The following ZNF284 variants were observed in gnomAD, a reference collection of about 807,000 sequenced individuals.
ZNF284 encodes zinc finger protein 284.
A neutral mutation model predicts 12.9 loss-of-function variants in ZNF284; 12 were observed. The ratio of observed to expected loss-of-function variants is 0.93; its 90% confidence interval spans 0.60 to 1.51. The LOEUF is 1.51. Ranked by LOEUF, ZNF284 falls within the 40% of genes most tolerant of loss-of-function variation. The pLI is 0.00. For missense variants in ZNF284, 667 were observed against 707.3 expected, an observed-to-expected ratio of 0.94 and a Z score of 0.65; for synonymous variants, 225 against 236.5, an observed-to-expected ratio of 0.95 and a Z score of 0.45.
intron 1 of ZNF284, among the ~76,000 whole-genome samples, chr19:44,075,393 T>A (rs997252986): frequency 6.6e-6 from 1 of 152,248 alleles, no homozygotes; most frequent in Non-Finnish European, 1.5e-5. Flanking sequence ...ATTTCATGTT[T>A]ACGTTTAGAG....
At chr19:44,079,797 G>A (rs1173768223) in intron 2 of ZNF284, among the ~76,000 whole-genome samples, 5 of 151,616 alleles carry the variant, frequency 3.3e-5, no homozygotes, top group East Asian at 1.9e-4. Flanking sequence ...GCATGGTGGC[G>A]CATGCTTGTA....
At chr19:44,085,679 A>G in intron 4 of ZNF284, 35 bp from the exon 5 acceptor site, 1 of 1,540,124 alleles carries the variant, frequency 6.5e-7, no homozygotes, top group Non-Finnish European at 8.8e-7. Flanking sequence ...CAAAGGTTTC[A>G]CTTACCCACA....
In ZNF284 at chr19:44,085,854, C is replaced by A. The variant is rs200136517; in HGVS notation, c.376C>A (p.Gln126Lys). Reference sequence around the variant, plus strand: ...CATAAGTAGCTCTCAGTTCTCCACACAAGGTGATGTCCCCTCCCAGGTTGA... The same window carrying A: ...CATAAGTAGCTCTCAGTTCTCCACAAAAGGTGATGTCCCCTCCCAGGTTGA... ...DSISSSQFST[Q>K]GDVPSQVDAG... Residue 126 changes from glutamine (Q) to lysine (K), a missense_variant, in exon 5 of 5, where the codon CAA (glutamine) becomes AAA (lysine). Gln to Lys is a moderately conservative substitution (Grantham distance 53, BLOSUM62 1). Transcript: ENST00000421176. The A allele has an allele frequency of 6.0e-5, 97 of 1,610,986 alleles. No individual in the cohort carries two copies. The African/African-American group carries it at 1.2e-3, about 20-fold the overall frequency.
intron 2 of ZNF284, among the ~76,000 whole-genome samples, chr19:44,076,879 G>A (rs1472229865): frequency 4.0e-5 from 6 of 150,982 alleles, no homozygotes; most frequent in African/African-American, 4.9e-5. Context: ...GAGTGTGGTG[G>A]CGCAATCTCG....
In ZNF284 at chr19:44,086,743, G is replaced by C; in HGVS notation, c.1265G>C (p.Arg422Thr). Residue 422 changes from arginine (R) to threonine (T), a missense_variant, in exon 5 of 5, where the codon AGA (arginine) becomes ACA (threonine). Coordinates refer to ENST00000421176, the MANE Select transcript of ZNF284 (RefSeq NM_001037813.4). Reference protein sequence around the residue: ...SQGHSHQRAYREEELYKCQKC... With the variant: ...SQGHSHQRAYTEEELYKCQKC... ...GGCCATTCACATCAGAGAGCCTATA[G>C]AGAAGAAGAACTGTATAAATGTCAG... 2 of 1,613,976 alleles carry C rather than the reference G, an allele frequency of 1.2e-6. No individual in the cohort carries two copies. Among genetic ancestry groups the C allele is most frequent in the Non-Finnish European group, 1.7e-6 (2 of 1,180,018 alleles).
At chr19:44,075,635 AAG>A (rs1419230008) in intron 1 of ZNF284, among the ~76,000 whole-genome samples, 2 of 152,240 alleles carry the variant, frequency 1.3e-5, no homozygotes, top group Non-Finnish European at 2.9e-5. Context: ...TACTGTAAAG[AAG>A]AGTTTCCATT....
Position 44,086,413 on chromosome 19 carries a change from A to G in ZNF284, c.935A>G (p.Glu312Gly), listed in dbSNP as rs1967248006. 2 of 1,613,914 alleles carry G rather than the reference A, an allele frequency of 1.2e-6. No homozygotes were observed. Among genetic ancestry groups the G allele is most frequent in the Admixed American group, 1.7e-5 (1 of 60,004 alleles). ...LNRHSMVHMQ[E>G]KSFRCDTCSN... ...AGGCATTCCATGGTCCACATGCAAG[A>G]GAAATCATTTAGATGTGATACCTGT... Residue 312 changes from glutamate (E) to glycine (G), a missense_variant, in exon 5 of 5, where the codon GAG (glutamate) becomes GGG (glycine). Glu to Gly is a moderately conservative substitution (Grantham distance 98, BLOSUM62 -2). Transcript: ENST00000421176.
rs1047775802 is a variant in ZNF284, at chr19:44,083,046, G to C, written c.235+941G>C. On this transcript the variant is annotated intron_variant, in intron 4 of 4. Transcript: ENST00000421176. Reference sequence around the variant, plus strand: ...TTTATATATGCTCTTCTTTCTGATTGGAATACTCTTTCACCTCAAGACCTT... The same window carrying C: ...TTTATATATGCTCTTCTTTCTGATTCGAATACTCTTTCACCTCAAGACCTT... 3.3e-5 allele frequency among the ~76,000 whole-genome samples: 5 copies of C among 152,018 alleles called. No homozygotes were observed. In the South Asian group the frequency reaches 6.2e-4, roughly 19 times the overall value.
chr19:44,077,413 C>T lies in ZNF284; in HGVS notation c.15+1009C>T, dbSNP rs138785214. ...CCAAAATGCAGCATCCTGGGCTGCA[C>T]ATATATCGGTTTCGGTGAATCTTGC... On this transcript the variant is annotated intron_variant, in intron 2 of 4. Transcript: ENST00000421176. Among the ~76,000 whole-genome samples the T allele has an allele frequency of 2.7e-3, 412 of 152,112 alleles. 1 individual carries two copies. The highest frequency in any genetic ancestry group is 4.4e-3 in the Non-Finnish European group (300 of 68,004).
Position 44,087,211 on chromosome 19 carries a change from G to A in ZNF284, c.1733G>A (p.Arg578Lys). Reference protein sequence around the residue: ...KCEDCGKRYERRLNLDMILSL... With the variant: ...KCEDCGKRYEKRLNLDMILSL... ...GAGGACTGTGGGAAGCGCTACGAGA[G>A]GCGCTTGAATCTAGATATGATTTTA... Residue 578 changes from arginine to lysine, a missense_variant, in exon 5 of 5, where the codon AGG becomes AAG. Arg to Lys is a conservative substitution (Grantham distance 26). Transcript: ENST00000421176. 6.3e-7 allele frequency: 1 copy of A among 1,597,058 alleles called. No homozygotes were observed. The highest frequency in any genetic ancestry group is 8.5e-7 in the Non-Finnish European group (1 of 1,172,572).
chr19:44,078,097 C>T (rs1967061798), intron 2 of ZNF284, among the ~76,000 whole-genome samples: 1 of 151,756 alleles, frequency 6.6e-6, no homozygotes, highest in African/African-American at 2.4e-5. Context: ...AGACATAATC[C>T]AAAATAAGAA....
chr19:44,076,990 A>G (rs1967040376), intron 2 of ZNF284, among the ~76,000 whole-genome samples: 1 of 151,468 alleles, frequency 6.6e-6, no homozygotes, highest in South Asian at 2.1e-4. Context: ...TGGCTAATAT[A>G]TGTATTTTTA....
chr19:44,081,511 A>G (rs1017081609), intron 3 of ZNF284, among the ~76,000 whole-genome samples: 6 of 152,050 alleles, frequency 3.9e-5, no homozygotes, highest in Non-Finnish European at 5.9e-5. Context: ...GGAGATGGAG[A>G]CCATTCTGGC....
chr19:44,086,249 AC>A lies in ZNF284; in HGVS notation c.773del (p.Pro258LeufsTer153). The A allele has an allele frequency of 1.2e-6, 2 of 1,614,112 alleles. No individual in the cohort carries two copies. The highest frequency in any genetic ancestry group is 1.7e-6 in the Non-Finnish European group (2 of 1,180,004). On this transcript the variant is annotated frameshift_variant, in exon 5 of 5. Transcript: ENST00000421176. LOFTEE classifies it low-confidence loss of function (END_TRUNC). Reference sequence around the variant, plus strand: ...ATTGCAAATTACACACAGGAGAAAAACCTCATATTTGTGAGGAATGTGGGAA... The same window carrying A: ...ATTGCAAATTACACACAGGAGAAAAACTCATATTTGTGAGGAATGTGGGAA... The part of the protein sequence containing the change: ...VHCKLHTGEK[P>X]HICEECGKAF...
In ZNF284 at chr19:44,087,242, A is replaced by G. The variant is rs1207414316; in HGVS notation, c.1764A>G (p.Leu588=). 2 of 1,557,574 alleles carry G rather than the reference A, an allele frequency of 1.3e-6. No individual in the cohort carries two copies. The highest frequency in any genetic ancestry group is 1.2e-5 in the South Asian group (1 of 83,798). The change falls in exon 5 of 5, where the codon TTA becomes TTG. Residue 588 remains leucine (L), a synonymous_variant. Transcript: ENST00000421176. ...TGAATCTAGATATGATTTTATCATT[A>G]TTTTTAAATGATATATAATTATTGT... ...RRLNLDMILS[L]FLNDI is the part of the protein sequence containing the mutation.
rs947802269 is a variant in ZNF284, at chr19:44,087,727, G to A, written c.*467G>A. On this transcript the variant is annotated 3_prime_UTR_variant, in exon 5 of 5. Transcript: ENST00000421176. ...CTGCCTAAACCTCCTGAGTAGCAGG[G>A]ATTACAGGCACGCACCACCACGCCC... 1 of 149,816 alleles carries A rather than the reference G, an allele frequency of 6.7e-6. No homozygotes were observed. Among genetic ancestry groups the A allele is most frequent in the African/African-American group, 2.5e-5 (1 of 40,594 alleles). 9.3% of individuals were successfully genotyped at this position (149,816 alleles called of 1,614,324 possible).
At position 44,087,080 on chromosome 19, in the gene ZNF284, C is replaced by A. The variant is rs146704728; in HGVS notation, c.1602C>A (p.Ser534Arg). 6.4e-5 allele frequency: 104 copies of A among 1,614,040 alleles called. 1 individual carries two copies. The African/African-American group carries it at 1.3e-3, about 20-fold the overall frequency. Reference protein sequence around the residue: ...STHLTHQRLHSREKLFQCEDC... With the variant: ...STHLTHQRLHRREKLFQCEDC... Reference sequence around the variant, plus strand: ...ATCTAACCCATCAAAGACTCCACAGCAGAGAAAAACTATTCCAATGTGAGG... The same window carrying A: ...ATCTAACCCATCAAAGACTCCACAGAAGAGAAAAACTATTCCAATGTGAGG... Residue 534 changes from serine (S) to arginine (R), a missense_variant, in exon 5 of 5, where the codon AGC (serine) becomes AGA (arginine). Ser to Arg is a moderately radical substitution (Grantham distance 110, BLOSUM62 -1). Transcript: ENST00000421176.
Position 44,086,896 on chromosome 19 carries a change from A to G in ZNF284, c.1418A>G (p.His473Arg). 2 of 1,614,120 alleles carry G rather than the reference A, an allele frequency of 1.2e-6. No homozygotes were observed. Among genetic ancestry groups the G allele is most frequent in the Non-Finnish European group, 1.7e-6 (2 of 1,179,996 alleles). Reference protein sequence around the residue: ...SFRWASGILRHKRLHTGEKPF... With the variant: ...SFRWASGILRRKRLHTGEKPF... Reference sequence around the variant, plus strand: ...AGGTGGGCCTCAGGTATTTTGAGACATAAGAGACTCCATACTGGAGAAAAA... The same window carrying G: ...AGGTGGGCCTCAGGTATTTTGAGACGTAAGAGACTCCATACTGGAGAAAAA... The change falls in exon 5 of 5, where the codon CAT (histidine) becomes CGT (arginine). Residue 473 changes from histidine (H) to arginine (R), a missense_variant. Transcript: ENST00000421176.
Position 44,089,204 on chromosome 19 carries a change from A to G in ZNF284, c.*1944A>G, listed in dbSNP as rs1015997909. 2.6e-5 allele frequency: 4 copies of G among 151,688 alleles called. No homozygotes were observed. Among genetic ancestry groups the G allele is most frequent in the African/African-American group, 9.7e-5 (4 of 41,244 alleles). 9.4% of individuals were successfully genotyped at this position (151,688 alleles called of 1,614,324 possible). A position where few individuals can be genotyped will look rare whatever the true frequency, so the allele number is the denominator to read the frequency against. ...TTCACAGATGCAGTTACAGTGCCCT[A>G]TAGCCTCGAACTCCTGGGCCTAAGT... On this transcript the variant is annotated 3_prime_UTR_variant, in exon 5 of 5. Transcript: ENST00000421176.
Sources: allele counts gnomAD v4.1 joint callset (sites outside exome capture counted in the v4.1 genomes callset), GRCh38; gene constraint gnomAD v4.1.1; transcripts MANE v1.5; gene names NCBI Gene and HGNC (gene_info 2026-07-23, HGNC 2026-07-21).